Variants in DCPS observed in about 807,000 individuals in gnomAD.
The protein encoded by DCPS is m7GpppX diphosphatase.
DCPS carries 27 observed loss-of-function variants against 34.7 expected under a neutral mutation model. That is an observed-to-expected ratio of 0.78 (90% confidence interval 0.57 to 1.07). The LOEUF (loss-of-function observed/expected upper bound fraction) is 1.07. Among genes scored for constraint, DCPS ranks in the 50% least tolerant of loss-of-function variants. DCPS has a pLI of 0.00. For missense variants in DCPS, 464 were observed against 436.9 expected, an observed-to-expected ratio of 1.06 and a Z score of -0.55; for synonymous variants, 185 against 185.7, an observed-to-expected ratio of 1.00 and a Z score of 0.03.
rs1176731516 is a variant in DCPS at position 126,328,392 on chromosome 11, G to A, written c.377-3013G>A. On this transcript the variant is annotated intron_variant, in intron 2 of 5. Coordinates refer to ENST00000263579, the MANE Select transcript of DCPS (RefSeq NM_014026.6). The surrounding 1 kb of genome is among the most constrained non-coding windows in gnomAD (Gnocchi z 6.6). ...GCTCTAGGGGGACGTGGGGAGCTCT[G>A]AGAGTCCTGCAGTCAGGTTCCCATC... Among the ~76,000 whole-genome samples, 1 of 152,178 alleles carries A rather than the reference G, an allele frequency of 6.6e-6. No individual in the cohort carries two copies. The highest frequency in any genetic ancestry group is 1.9e-4 in the East Asian group (1 of 5,190).
In DCPS at chr11:126,346,552, CAAGT is replaced by C. The variant is rs919256180; in HGVS notation, c.*942_*945del. Among the ~76,000 whole-genome samples the C allele has an allele frequency of 7.2e-5, 11 of 152,338 alleles. No individual in the cohort carries two copies. Among genetic ancestry groups the C allele is most frequent in the Admixed American group, 2.6e-4 (4 of 15,300 alleles). On this transcript the variant is annotated 3_prime_UTR_variant, in exon 6 of 6. Transcript: ENST00000263579. This position sits in a 1 kb window ranked among gnomAD's most constrained non-coding sequence, Gnocchi z 4.1. Reference sequence around the variant, plus strand: ...GACATGGCTTGTATGGGCGGGCACACAAGTAAACACACAGGCTCTCTCCAGCACA... The same window carrying C: ...GACATGGCTTGTATGGGCGGGCACACAAACACACAGGCTCTCTCCAGCACA...
rs931123085 is a variant in DCPS, at chr11:126,337,423, T to G, written c.523-863T>G. 4.6e-5 allele frequency: 7 copies of G among 152,518 alleles called. No homozygotes were observed. The East Asian group carries it at 1.2e-3, about 25-fold the overall frequency. 9.4% of individuals were successfully genotyped at this position (152,518 alleles called of 1,614,324 possible). On this transcript the variant is annotated intron_variant, in intron 3 of 5. Transcript: ENST00000263579. This position sits in a 1 kb window ranked among gnomAD's most constrained non-coding sequence, Gnocchi z 5.3. Reference sequence around the variant, plus strand: ...TTTGAGGCCTGTGAGCTCAGGGGCCTTCTCAGCCCAACCTCCTGCAGCCTC... The same window carrying G: ...TTTGAGGCCTGTGAGCTCAGGGGCCGTCTCAGCCCAACCTCCTGCAGCCTC...
chr11:126,305,551 G>T (rs901256386), intron 1 of DCPS, among the ~76,000 whole-genome samples: 1 of 147,936 alleles, frequency 6.8e-6, no homozygotes, highest in Non-Finnish European at 1.5e-5. Context: ...CTCCCAAGTA[G>T]CTGGGATTAC....
In DCPS at chr11:126,320,540, T is replaced by C. The variant is rs1414593651; in HGVS notation, c.377-10865T>C. On this transcript the variant is annotated intron_variant, in intron 2 of 5. Transcript: ENST00000263579. This position sits in a 1 kb window ranked among gnomAD's most constrained non-coding sequence, Gnocchi z 4.7. ...TACAAGGGCGGGGTGCAGTGGCTCA[T>C]GCCCCTAATCCCAACACATTGGGAG... is the stretch of plus-strand genomic sequence containing the variant. 6.6e-6 allele frequency among the ~76,000 whole-genome samples: 1 copy of C among 152,128 alleles called. No homozygotes were observed. The highest frequency in any genetic ancestry group is 1.9e-4 in the East Asian group (1 of 5,176).
rs1016374538 is a variant in DCPS, at chr11:126,329,884, G to A, written c.377-1521G>A. ...GTGAAATGTGCCCGCTGGGTTTTCA[G>A]CTCTCTCGGGTTTCCCTGGGAGAGC... On this transcript the variant is annotated intron_variant, in intron 2 of 5. Transcript: ENST00000263579. The surrounding 1 kb of genome is among the most constrained non-coding windows in gnomAD (Gnocchi z 5.0). Among the ~76,000 whole-genome samples the A allele has an allele frequency of 6.6e-6, 1 of 152,128 alleles. No homozygotes were observed. The highest frequency in any genetic ancestry group is 6.6e-5 in the Admixed American group (1 of 15,266).
chr11:126,307,946 A>C (rs184739526), intron 2 of DCPS, among the ~76,000 whole-genome samples: 1 of 152,146 alleles, frequency 6.6e-6, no homozygotes, highest in African/African-American at 2.4e-5. Flanking sequence ...TGCTCACCAT[A>C]CTCATTCTGT....
chr11:126,331,549 A>T lies in DCPS; in HGVS notation c.521A>T (p.Gln174Leu). The T allele has an allele frequency of 6.2e-7, 1 of 1,613,900 alleles. No homozygotes were observed. The highest frequency in any genetic ancestry group is 2.2e-5 in the East Asian group (1 of 44,886). Residue 174 changes from glutamine (Q) to leucine (L), a missense_variant and splice_region_variant, in exon 3 of 6, where the codon CAG becomes CTG. Physicochemically the swap from Gln to Leu is moderately radical, Grantham distance 113. Coordinates refer to ENST00000263579, the MANE Select transcript of DCPS (RefSeq NM_014026.6). The surrounding 1 kb of genome is among the most constrained non-coding windows in gnomAD (Gnocchi z 7.2). ...PHLESQSLSI[Q>L]WVYNILDKKA... The stretch of plus-strand genomic sequence containing the variant: ...CTGGAGTCCCAGAGCCTCAGCATCC[A>T]GGTGACTGGCTGCATGTCTCAGACG...
intron 2 of DCPS, among the ~76,000 whole-genome samples, chr11:126,318,276 G>A (rs547854576): frequency 2.6e-5 from 4 of 152,212 alleles, no homozygotes; most frequent in Admixed American, 6.5e-5. Flanking sequence ...CCCTTCAGCC[G>A]TGTTTATCCT....
chr11:126,306,879 A>G (rs1951573648), intron 2 of DCPS, 135 bp downstream of exon 2: 2 of 1,093,988 alleles, frequency 1.8e-6, no homozygotes, highest in Non-Finnish European at 1.2e-6. Context: ...CCTAGGGGAC[A>G]TTTGGCCATC....
chr11:126,341,544 G>A (rs1460189982), intron 4 of DCPS: 1 of 152,274 alleles, frequency 6.6e-6, no homozygotes, highest in East Asian at 1.9e-4. Flanking sequence ...TGCCAGTGGA[G>A]CAGAGAGTTG....
Position 126,336,783 on chromosome 11 carries a change from G to C in DCPS, c.523-1503G>C, listed in dbSNP as rs1221609141. ...TGGCCCCGGCACTGCATGAGGAAGT[G>C]GCTGCCAGGTGTCCTCCAGACCCCT... On this transcript the variant is annotated intron_variant, in intron 3 of 5. Coordinates refer to ENST00000263579, the MANE Select transcript of DCPS (RefSeq NM_014026.6). The surrounding 1 kb of genome is among the most constrained non-coding windows in gnomAD (Gnocchi z 6.3). 1 of 152,268 alleles carries C rather than the reference G, an allele frequency of 6.6e-6. No individual in the cohort carries two copies. Among genetic ancestry groups the C allele is most frequent in the Non-Finnish European group, 1.5e-5 (1 of 68,108 alleles). The allele number at this position is 152,268 out of a possible 1,614,324, so 9.4% of individuals were successfully genotyped here.
rs1951920923 is a variant in DCPS at position 126,345,774 on chromosome 11, G to A, written c.*161G>A. 2.8e-6 allele frequency: 3 copies of A among 1,076,178 alleles called. No homozygotes were observed. The highest frequency in any genetic ancestry group is 3.9e-6 in the Non-Finnish European group (3 of 767,348). 66.7% of individuals were successfully genotyped at this position (1,076,178 alleles called of 1,614,324 possible). The stretch of plus-strand genomic sequence containing the variant: ...ACTCAGTGTGGACAGCGTGGCCTGG[G>A]AGGCAGACAGATGGTGGGGGACAGT... On this transcript the variant is annotated 3_prime_UTR_variant, in exon 6 of 6. Transcript: ENST00000263579. The surrounding 1 kb of genome is among the most constrained non-coding windows in gnomAD (Gnocchi z 7.4).
At position 126,322,464 on chromosome 11, in the gene DCPS, A is replaced by T. The variant is rs1243901476; in HGVS notation, c.377-8941A>T. ...TTTTTAGTAGAGATGGGGTTTCGCCATGTTGGCCAAGTTGGTCTTGAACTC... is the reference window on the plus strand; with the variant it reads ...TTTTTAGTAGAGATGGGGTTTCGCCTTGTTGGCCAAGTTGGTCTTGAACTC... On this transcript the variant is annotated intron_variant, in intron 2 of 5. Coordinates refer to ENST00000263579, the MANE Select transcript of DCPS (RefSeq NM_014026.6). This position sits in a 1 kb window ranked among gnomAD's most constrained non-coding sequence, Gnocchi z 4.2. Among the ~76,000 whole-genome samples, 1 of 151,830 alleles carries T rather than the reference A, an allele frequency of 6.6e-6. No homozygotes were observed. The highest frequency in any genetic ancestry group is 6.6e-5 in the Admixed American group (1 of 15,242).
In DCPS at chr11:126,334,771, C is replaced by G. The variant is rs2135330163; in HGVS notation, c.522+3221C>G. 6.6e-6 allele frequency among the ~76,000 whole-genome samples: 1 copy of G among 152,330 alleles called. No individual in the cohort carries two copies. Among genetic ancestry groups the G allele is most frequent in the East Asian group, 1.9e-4 (1 of 5,186 alleles). ...CTCCTTAGATGTGAGGTACTTATAA[C>G]TTCCCAGTAAAAACTGCAGTGGGAT... On this transcript the variant is annotated intron_variant, in intron 3 of 5. Coordinates refer to ENST00000263579, the MANE Select transcript of DCPS (RefSeq NM_014026.6). This position sits in a 1 kb window ranked among gnomAD's most constrained non-coding sequence, Gnocchi z 5.5.
rs541391860 is a variant in DCPS, at chr11:126,332,324, C to A, written c.522+774C>A. Among the ~76,000 whole-genome samples the A allele has an allele frequency of 6.6e-6, 1 of 152,314 alleles. No homozygotes were observed. The highest frequency in any genetic ancestry group is 2.4e-5 in the African/African-American group (1 of 41,580). On this transcript the variant is annotated intron_variant, in intron 3 of 5. Coordinates refer to ENST00000263579, the MANE Select transcript of DCPS (RefSeq NM_014026.6). This position sits in a 1 kb window ranked among gnomAD's most constrained non-coding sequence, Gnocchi z 5.4. ...GACTCCTCCCTGGGCCTAGGCCCAG[C>A]GCCAACTGGAGCCTCTGCCTGGAAC...
intron 2 of DCPS, among the ~76,000 whole-genome samples, chr11:126,310,132 C>T (rs1393314152): frequency 1.3e-5 from 2 of 152,190 alleles, no homozygotes; most frequent in Non-Finnish European, 2.9e-5. Context: ...TCACTGGAGT[C>T]TGCATTTTAG....
intron 2 of DCPS, among the ~76,000 whole-genome samples, chr11:126,318,399 C>T (rs1158605672): frequency 1.3e-5 from 2 of 152,206 alleles, no homozygotes; most frequent in South Asian, 4.1e-4. Context: ...TTAAGATCCA[C>T]GGCAGCCAGC....
At position 126,345,579 on chromosome 11, in the gene DCPS, T is replaced by G. The variant is rs2135340522; in HGVS notation, c.980T>G (p.Leu327Arg). 1 of 1,613,668 alleles carries G rather than the reference T, an allele frequency of 6.2e-7. No individual in the cohort carries two copies. The highest frequency in any genetic ancestry group is 8.5e-7 in the Non-Finnish European group (1 of 1,180,014). ...TTCGCCCTCAGGGCTGACGACCCCC[T>G]GCTCAAGCTCTTGCAGGAGGCTCAG... ...LTFALRADDP[L>R]LKLLQEAQQS is the part of the protein sequence containing the mutation. The change falls in exon 6 of 6, where the codon CTG (leucine) becomes CGG (arginine). Residue 327 changes from leucine to arginine, a missense_variant. Leu to Arg is a moderately radical substitution (Grantham distance 102, BLOSUM62 -2). Coordinates refer to ENST00000263579, the MANE Select transcript of DCPS (RefSeq NM_014026.6). The surrounding 1 kb of genome is among the most constrained non-coding windows in gnomAD (Gnocchi z 7.4).
At position 126,345,786 on chromosome 11, in the gene DCPS, T is replaced by A. The variant is rs1951921043; in HGVS notation, c.*173T>A. ...CAGCGTGGCCTGGGAGGCAGACAGA[T>A]GGTGGGGGACAGTGGGTGGGTAGAA... On this transcript the variant is annotated 3_prime_UTR_variant, in exon 6 of 6. Coordinates refer to ENST00000263579, the MANE Select transcript of DCPS (RefSeq NM_014026.6). This position sits in a 1 kb window ranked among gnomAD's most constrained non-coding sequence, Gnocchi z 7.4. 1 of 954,464 alleles carries A rather than the reference T, an allele frequency of 1.0e-6. No homozygotes were observed. The highest frequency in any genetic ancestry group is 1.5e-6 in the Non-Finnish European group (1 of 657,894). 59.1% of individuals were successfully genotyped at this position (954,464 alleles called of 1,614,324 possible).
Sources: gnomAD v4.1 joint callset for allele counts (sites outside exome capture counted in the v4.1 genomes callset) on GRCh38, gnomAD v4.1.1 for gene constraint, Gnocchi (gnomAD v3.1) non-coding constraint, MANE v1.5 for transcripts, NCBI Gene and HGNC (gene_info 2026-07-23, HGNC 2026-07-21) for gene names.